CIRSR: variants seen among roughly 807,000 people sequenced by gnomAD.
The protein encoded by CIRSR is corepressor of RBPJ and splicing regulator.
At chr2:174,350,559 G>A in the CIRSR span, 136,036 of 649,518 alleles carry the variant, frequency 0.21, 16,380 homozygotes, top group Middle Eastern at 0.29. Flanking sequence ...GTGATGCATG[G>A]TATAAGGACC....
chr2:174,354,231 T>G, the CIRSR span, among the ~76,000 whole-genome samples: 1 of 150,516 alleles, frequency 6.6e-6, no homozygotes. Flanking sequence ...ACTTTCACAA[T>G]GTATGACTGT....
chr2:174,375,069 G>T, the CIRSR span, among the ~76,000 whole-genome samples: 1 of 152,164 alleles, frequency 6.6e-6, no homozygotes, highest in Non-Finnish European at 1.5e-5. Flanking sequence ...CACAGAAAAA[G>T]TGCTCCATAA....
At chr2:174,367,111 T>C in the CIRSR span, among the ~76,000 whole-genome samples, 3 of 152,188 alleles carry the variant, frequency 2.0e-5, no homozygotes, top group Non-Finnish European at 4.4e-5. Flanking sequence ...ATCCAACTAT[T>C]TCAATCATTG....
chr2:174,379,480 T>C, the CIRSR span, among the ~76,000 whole-genome samples: 1 of 152,150 alleles, frequency 6.6e-6, no homozygotes, highest in African/African-American at 2.4e-5. Flanking sequence ...TTCTAACGAC[T>C]CAACTCTGCT....
the CIRSR span, chr2:174,380,128 C>T: frequency 8.8e-5 from 94 of 1,069,380 alleles, no homozygotes; most frequent in Admixed American, 1.3e-4. Flanking sequence ...GCTTAAACAC[C>T]TTTTAGACAA....
the CIRSR span, among the ~76,000 whole-genome samples, chr2:174,369,632 G>C: frequency 1.3e-5 from 2 of 152,100 alleles, no homozygotes; most frequent in Admixed American, 1.3e-4. Context: ...CCTTTCATTT[G>C]AACACTTAGA....
chr2:174,392,774 T>A, the CIRSR span, among the ~76,000 whole-genome samples: 2 of 152,168 alleles, frequency 1.3e-5, no homozygotes, highest in Non-Finnish European at 2.9e-5. Context: ...AAGGGCTGAT[T>A]TGGGGTAAAA....
chr2:174,348,209 T>C, the CIRSR span: 75 of 300,464 alleles, frequency 2.5e-4, no homozygotes, highest in Non-Finnish European at 3.2e-4. Flanking sequence ...CACAGAGTTA[T>C]ATGCGGTTTT....
chr2:174,367,583 CA>C, the CIRSR span, among the ~76,000 whole-genome samples: 1 of 150,878 alleles, frequency 6.6e-6, no homozygotes, highest in Admixed American at 6.6e-5. Flanking sequence ...TGTCCCCCAC[CA>C]AAAAAATATT....
the CIRSR span, among the ~76,000 whole-genome samples, chr2:174,356,700 T>C: frequency 6.6e-6 from 1 of 152,296 alleles, no homozygotes; most frequent in East Asian, 1.9e-4. Context: ...TATTATGTAC[T>C]TAATTTATAG....
At chr2:174,348,732 C>G in the CIRSR span, 1 of 1,614,220 alleles carries the variant, frequency 6.2e-7, no homozygotes, top group East Asian at 2.2e-5. Context: ...CCCCTCCTTT[C>G]TTTCAGAGCC....
chr2:174,380,443 TTG>T, the CIRSR span, among the ~76,000 whole-genome samples: 1 of 152,140 alleles, frequency 6.6e-6, no homozygotes, highest in South Asian at 2.1e-4. Context: ...GTCTGATAAT[TTG>T]TGATATTAAA....
At chr2:174,381,726 T>A in the CIRSR span, 2 of 1,596,236 alleles carry the variant, frequency 1.3e-6, no homozygotes, top group Non-Finnish European at 1.7e-6. Flanking sequence ...CTGGTGGGGC[T>A]TCATACATGA....
chr2:174,387,249 G>A, the CIRSR span: 1 of 155,390 alleles, frequency 6.4e-6, no homozygotes, highest in African/African-American at 2.4e-5. Flanking sequence ...CAGGTACCAT[G>A]TTAGAAGACA....
the CIRSR span, among the ~76,000 whole-genome samples, chr2:174,362,330 AAC>A: frequency 6.6e-6 from 1 of 150,914 alleles, no homozygotes; most frequent in South Asian, 2.1e-4. Flanking sequence ...CAAAAACAAA[AAC>A]AAAAAATTAT....
the CIRSR span, chr2:174,351,804 G>A: frequency 4.8e-3 from 4,865 of 1,021,808 alleles, 23 homozygotes; most frequent in Non-Finnish European, 6.3e-3. Flanking sequence ...GAATGCAGTT[G>A]AAGCTTTGTT....
chr2:174,380,695 C>T, the CIRSR span: 2 of 1,612,696 alleles, frequency 1.2e-6, no homozygotes, highest in Non-Finnish European at 1.7e-6. Flanking sequence ...TGTATTCGGT[C>T]TCTCCTTCTG....
At chr2:174,386,128 C>T in the CIRSR span, among the ~76,000 whole-genome samples, 2 of 152,008 alleles carry the variant, frequency 1.3e-5, no homozygotes, top group African/African-American at 4.8e-5. Context: ...TCCTGAATAC[C>T]CTCTCCATTT....
the CIRSR span, chr2:174,348,802 A>G: frequency 1.9e-6 from 3 of 1,614,070 alleles, no homozygotes; most frequent in Non-Finnish European, 2.5e-6. Flanking sequence ...GAATGGCTCC[A>G]TTTGCTGTCC....
Sources: gnomAD v4.1 joint callset for allele counts (sites outside exome capture counted in the v4.1 genomes callset) on GRCh38, gnomAD v4.1.1 for gene constraint, MANE v1.5 for transcripts, NCBI Gene and HGNC (gene_info 2026-07-23, HGNC 2026-07-21) for gene names.